Variants in CNTNAP5 observed in about 807,000 individuals in gnomAD.
CNTNAP5 encodes contactin associated protein family member 5.
CNTNAP5 carries 72 observed loss-of-function variants against 150.2 expected under a neutral mutation model. The observed-to-expected ratio is 0.48, with a 90% confidence interval of 0.40 to 0.58. CNTNAP5 has a LOEUF of 0.58. Among genes scored for constraint, CNTNAP5 ranks in the 20% least tolerant of loss-of-function variants. The pLI, the probability that CNTNAP5 is intolerant of heterozygous loss-of-function variation, is 0.00. For missense variants in CNTNAP5, 1,636 were observed against 1,626.2 expected, an observed-to-expected ratio of 1.01 and a Z score of -0.10; for synonymous variants, 672 against 619.8, an observed-to-expected ratio of 1.08 and a Z score of -1.25.
chr2:124,124,329 G>T (rs1683635321), intron 1 of CNTNAP5, among the ~76,000 whole-genome samples: 2 of 152,086 alleles, frequency 1.3e-5, no homozygotes, highest in Non-Finnish European at 2.9e-5. Flanking sequence ...AAGATCAAAT[G>T]AATGAAATGA....
At chr2:124,509,761 T>A (rs1288812962) in intron 8 of CNTNAP5, among the ~76,000 whole-genome samples, 1 of 152,192 alleles carries the variant, frequency 6.6e-6, no homozygotes, top group Non-Finnish European at 1.5e-5. Context: ...CTATAGATAA[T>A]CTACAGAAGA....
intron 16 of CNTNAP5, among the ~76,000 whole-genome samples, chr2:124,770,105 G>A (rs1321449409): frequency 5.9e-5 from 9 of 152,064 alleles, no homozygotes. Flanking sequence ...ACTTTGCAAG[G>A]ACCCTAATAA....
intron 6 of CNTNAP5, among the ~76,000 whole-genome samples, chr2:124,458,293 T>TTATATATATA (rs56360238): frequency 7.1e-6 from 1 of 139,980 alleles, no homozygotes; most frequent in African/African-American, 2.6e-5. Context: ...ATGTAATATT[T>TTATATATATA]TATATATATA....
At chr2:124,548,756 T>A (rs1695570735) in intron 10 of CNTNAP5, among the ~76,000 whole-genome samples, 1 of 152,212 alleles carries the variant, frequency 6.6e-6, no homozygotes, top group South Asian at 2.1e-4. Context: ...TACTTACATT[T>A]TACAAGACCT....
At chr2:124,117,800 A>ATGTAACATC (rs1683463462) in intron 1 of CNTNAP5, among the ~76,000 whole-genome samples, 1 of 152,178 alleles carries the variant, frequency 6.6e-6, no homozygotes, top group Admixed American at 6.5e-5. Context: ...ATTTGTTAAA[A>ATGTAACATC]TGTAACATCT....
intron 13 of CNTNAP5, chr2:124,681,060 G>A (rs188218269): frequency 0.022 from 3,262 of 151,320 alleles, 59 homozygotes; most frequent in Middle Eastern, 0.037. Context: ...CGAGGTGTGT[G>A]GATCACCTGA....
intron 9 of CNTNAP5, among the ~76,000 whole-genome samples, chr2:124,525,477 T>C (rs779357471): frequency 9.2e-5 from 14 of 152,206 alleles, no homozygotes; most frequent in African/African-American, 3.1e-4. Flanking sequence ...TTCCTATTAG[T>C]AAATTGAAGA....
At chr2:124,420,631 C>G (rs1313726353) in intron 4 of CNTNAP5, among the ~76,000 whole-genome samples, 1 of 152,110 alleles carries the variant, frequency 6.6e-6, no homozygotes, top group Non-Finnish European at 1.5e-5. Context: ...GGAGATTATC[C>G]TAAGTAATCT....
chr2:124,054,371 T>G (rs1197528475), intron 1 of CNTNAP5, among the ~76,000 whole-genome samples: 3 of 152,128 alleles, frequency 2.0e-5, no homozygotes, highest in Non-Finnish European at 4.4e-5. Flanking sequence ...TTTTTAAAAA[T>G]TAGAGCTGAT....
intron 3 of CNTNAP5, among the ~76,000 whole-genome samples, chr2:124,309,601 A>C (rs1203064079): frequency 6.6e-6 from 1 of 152,256 alleles, no homozygotes. Context: ...ATGGGGTCCA[A>C]TGATGATGTA....
At chr2:124,379,886 A>T (rs942377731) in intron 3 of CNTNAP5, among the ~76,000 whole-genome samples, 3 of 152,138 alleles carry the variant, frequency 2.0e-5, no homozygotes, top group Non-Finnish European at 4.4e-5. Flanking sequence ...GAGGGTGAAG[A>T]GGGTTACAAG....
chr2:124,753,826 T>C (rs975309648), intron 14 of CNTNAP5, among the ~76,000 whole-genome samples: 1 of 152,220 alleles, frequency 6.6e-6, no homozygotes. Flanking sequence ...ACCCTATAAA[T>C]ATATACAATT....
chr2:124,871,753 G>T (rs1038363114), intron 21 of CNTNAP5, among the ~76,000 whole-genome samples: 12 of 151,944 alleles, frequency 7.9e-5, no homozygotes, highest in African/African-American at 2.2e-4. Flanking sequence ...TTGATGTTTT[G>T]CAGTTTTGTC....
intron 13 of CNTNAP5, among the ~76,000 whole-genome samples, chr2:124,690,365 G>A (rs1332768755): frequency 6.6e-6 from 1 of 152,050 alleles, no homozygotes; most frequent in Non-Finnish European, 1.5e-5. Context: ...GTCTCCAGAA[G>A]CAGTGTTTCC....
At chr2:124,312,907 A>G (rs566505885) in intron 3 of CNTNAP5, among the ~76,000 whole-genome samples, 1 of 152,154 alleles carries the variant, frequency 6.6e-6, no homozygotes, top group South Asian at 2.1e-4. Context: ...GTTTTGCCAT[A>G]TTGGCCAGGC....
At chr2:124,593,238 A>C in intron 11 of CNTNAP5, among the ~76,000 whole-genome samples, 3 of 140,662 alleles carry the variant, frequency 2.1e-5, no homozygotes, top group Admixed American at 7.4e-5. Flanking sequence ...GCACCCACTA[A>C]CTCGTCATCT....
chr2:124,558,123 T>A lies in CNTNAP5; in HGVS notation c.1650-5094T>A, dbSNP rs1325839772. Among the ~76,000 whole-genome samples, 4 of 152,258 alleles carry A rather than the reference T, an allele frequency of 2.6e-5. No individual in the cohort carries two copies. In the East Asian group the frequency reaches 7.7e-4, roughly 29 times the overall value. On this transcript the variant is annotated intron_variant, in intron 10 of 23. Coordinates refer to ENST00000682447, the MANE Select transcript of CNTNAP5 (RefSeq NM_001367498.1). The stretch of plus-strand genomic sequence containing the variant: ...CCTTGCTCTTGTGTTGGGAATTAAC[T>A]GAAGGGGTCAAGGATGGAAGCTGGG...
At chr2:124,784,611 T>C (rs1681525428) in intron 17 of CNTNAP5, among the ~76,000 whole-genome samples, 2 of 152,244 alleles carry the variant, frequency 1.3e-5, no homozygotes. Flanking sequence ...AGAGAATAAA[T>C]GCATGCTGGT....
intron 19 of CNTNAP5, among the ~76,000 whole-genome samples, chr2:124,812,788 T>C (rs915482956): frequency 6.6e-6 from 1 of 152,088 alleles, no homozygotes; most frequent in Non-Finnish European, 1.5e-5. Flanking sequence ...ATGTCCCATA[T>C]CTCCCTAAAA....
Sources: gnomAD v4.1 joint callset for allele counts (sites outside exome capture counted in the v4.1 genomes callset) on GRCh38, gnomAD v4.1.1 for gene constraint, MANE v1.5 for transcripts, NCBI Gene and HGNC (gene_info 2026-07-23, HGNC 2026-07-21) for gene names.